Variants in SNX19 observed in about 807,000 individuals in gnomAD.
SNX19 encodes the protein sorting nexin-19.
SNX19 carries 60 observed loss-of-function variants against 85.2 expected under a neutral mutation model. That is an observed-to-expected ratio of 0.70 (90% CI 0.57 to 0.87). The LOEUF is 0.87. SNX19 is among the 40% of genes least tolerant of loss of function. SNX19 has a pLI of 0.00. For synonymous variants in SNX19, 520 were observed against 470.0 expected (o/e 1.11, Z -1.38); for missense variants, 1,201 against 1,217.8 (o/e 0.99, Z 0.21).
At chr11:130,904,852 C>A (rs556172827) in intron 7 of SNX19, among the ~76,000 whole-genome samples, 26 of 152,264 alleles carry the variant, frequency 1.7e-4, no homozygotes, top group African/African-American at 6.0e-4. Flanking sequence ...CCCTGCCCCC[C>A]ACCATCTTTA....
At chr11:130,896,557 T>C (rs747964260) in intron 8 of SNX19, among the ~76,000 whole-genome samples, 1 of 152,056 alleles carries the variant, frequency 6.6e-6, no homozygotes, top group Non-Finnish European at 1.5e-5. Context: ...AAAGCTTGCA[T>C]GGAGGGGAAG....
In SNX19 at chr11:130,866,348, G is replaced by A. The variant is rs1942762191; in HGVS notation, c.*12074C>T. ...TCATTCTTAAAAAGTACATAGTAAA[G>A]GTATGAAAAACATTTGTATTCAGAG... On this transcript the variant is annotated 3_prime_UTR_variant, in exon 11 of 11. Coordinates refer to ENST00000265909, the MANE Select transcript of SNX19 (RefSeq NM_014758.3). 2 of 152,186 alleles carry A rather than the reference G, an allele frequency of 1.3e-5. No homozygotes were observed. Among genetic ancestry groups the A allele is most frequent in the Non-Finnish European group, 2.9e-5 (2 of 68,036 alleles). The allele number at this position is 152,186 out of a possible 1,614,324, so 9.4% of individuals were successfully genotyped here. A position where few individuals can be genotyped will look rare whatever the true frequency, so the allele number is the denominator to read the frequency against.
chr11:130,887,915 C>T (rs544622083), intron 8 of SNX19, among the ~76,000 whole-genome samples: 14 of 152,242 alleles, frequency 9.2e-5, no homozygotes, highest in Non-Finnish European at 1.8e-4. Flanking sequence ...TGCCCAGAAC[C>T]AAACAGCTCT....
At position 130,911,707 on chromosome 11, in the gene SNX19, T is replaced by G. The variant is rs757940734; in HGVS notation, c.1739A>C (p.Asn580Thr). The G allele has an allele frequency of 5.0e-6, 8 of 1,614,198 alleles. No homozygotes were observed. Among genetic ancestry groups the G allele is most frequent in the Non-Finnish European group, 5.1e-6 (6 of 1,180,030 alleles). The change falls in exon 2 of 11, where the codon AAT becomes ACT. Residue 580 changes from asparagine (N) to threonine (T), a missense_variant. Physicochemically the swap from Asn to Thr is moderately conservative, Grantham distance 65. Around this residue, in one of 3 missense-constraint regions of SNX19, gnomAD observed 791 missense variants for 750.9 expected, o/e 1.05. Transcript: ENST00000265909. ...ATTCAAGAACTCCCGATAGCGACGA[T>G]TCACAGTGTGGTAGGCCAGCTGCTG... ...GLQQLAYHTV[N>T]RRYREFLNLQ...
chr11:130,909,623 G>A (rs750552667), intron 4 of SNX19, among the ~76,000 whole-genome samples: 18 of 152,126 alleles, frequency 1.2e-4, no homozygotes, highest in Admixed American at 3.9e-4. Flanking sequence ...GCCTCAGGTC[G>A]TCTTAGGCTC....
At position 130,869,538 on chromosome 11, in the gene SNX19, GT is replaced by G. The variant is rs577679942; in HGVS notation, c.*8883del. ...TTTTATATTTTCCAATGTCTGAACT[GT>G]TTTTACAACAGATTTTCCACAGAAA... On this transcript the variant is annotated 3_prime_UTR_variant, in exon 11 of 11. Coordinates refer to ENST00000265909, the MANE Select transcript of SNX19 (RefSeq NM_014758.3). 139 of 152,264 alleles carry G rather than the reference GT, an allele frequency of 9.1e-4. No homozygotes were observed. The highest frequency in any genetic ancestry group is 3.0e-3 in the African/African-American group (123 of 41,552). The allele number at this position is 152,264 out of a possible 1,614,324, so 9.4% of individuals were successfully genotyped here. A position where few individuals can be genotyped will look rare whatever the true frequency, so the allele number is the denominator to read the frequency against.
At position 130,914,984 on chromosome 11, in the gene SNX19, G is replaced by A; in HGVS notation, c.956C>T (p.Pro319Leu). 1.2e-6 allele frequency: 2 copies of A among 1,614,136 alleles called. No individual in the cohort carries two copies. The highest frequency in any genetic ancestry group is 1.7e-6 in the Non-Finnish European group (2 of 1,180,014). ...TGGAGAGGGGCCTGCAGAACCCTCT[G>A]GCTCACTGTAACTTAGGAATACTGG... ...AAPVFLSYSEPEGSAGPSPEV... is the reference protein window; with the variant it reads ...AAPVFLSYSELEGSAGPSPEV... The change falls in exon 1 of 11, where the codon CCA becomes CTA. Residue 319 changes from proline to leucine, a missense_variant. Pro to Leu is a moderately conservative substitution (Grantham distance 98). Around this residue, in one of 3 missense-constraint regions of SNX19, gnomAD observed 791 missense variants for 750.9 expected, o/e 1.05. Transcript: ENST00000265909.
intron 8 of SNX19, among the ~76,000 whole-genome samples, chr11:130,887,988 T>C (rs775661501): frequency 1.3e-4 from 20 of 152,062 alleles, no homozygotes; most frequent in African/African-American, 2.7e-4. Context: ...TTAGATACTA[T>C]ACTTCTCATA....
At chr11:130,894,804 C>T (rs780845307) in intron 8 of SNX19, 67 of 985,300 alleles carry the variant, frequency 6.8e-5, no homozygotes, top group Non-Finnish European at 7.7e-5. Flanking sequence ...ATTATTTAGC[C>T]TAAACCAGTC....
At position 130,880,793 on chromosome 11, in the gene SNX19, G is replaced by T. The variant is rs773358596; in HGVS notation, c.2587C>A (p.Gln863Lys). Residue 863 changes from glutamine (Q) to lysine (K), a missense_variant, in exon 9 of 11, where the codon CAG (glutamine) becomes AAG (lysine). Physicochemically the swap from Gln to Lys is moderately conservative, Grantham distance 53 (BLOSUM62 1). This residue lies in a region of SNX19 where 285 missense variants were observed against 295.3 expected (regional missense o/e 0.97). Transcript: ENST00000265909. ...GTLVQRWLEV[Q>K]VANLTSPQRW... ...TGTGGACTTGTTAAATTAGCTACCT[G>T]CACCTCTAGCCACCTGTGGTAGAAG... 1 of 1,560,880 alleles carries T rather than the reference G, an allele frequency of 6.4e-7. No homozygotes were observed. Among genetic ancestry groups the T allele is most frequent in the Non-Finnish European group, 8.8e-7 (1 of 1,141,814 alleles).
In SNX19 at chr11:130,895,109, G is replaced by A. The variant is rs555975189; in HGVS notation, c.2573+8146C>T. On this transcript the variant is annotated intron_variant, in intron 8 of 10. Coordinates refer to ENST00000265909, the MANE Select transcript of SNX19 (RefSeq NM_014758.3). ...AGATGCTTCCAGAGAGGGCAGGCTC[G>A]GTGGGGCTTCATACTGGGAGGCCCA... 33 of 985,414 alleles carry A rather than the reference G, an allele frequency of 3.3e-5. No homozygotes were observed. The South Asian group carries it at 7.5e-4, about 22-fold the overall frequency. The allele number at this position is 985,414 out of a possible 1,614,324, so 61.0% of individuals were successfully genotyped here.
rs1455801686 is a variant in SNX19, at chr11:130,875,711, G to A, written c.*2711C>T. 1 of 146,824 alleles carries A rather than the reference G, an allele frequency of 6.8e-6. No individual in the cohort carries two copies. The highest frequency in any genetic ancestry group is 1.5e-5 in the Non-Finnish European group (1 of 66,536). 9.1% of individuals were successfully genotyped at this position (146,824 alleles called of 1,614,324 possible). A position where few individuals can be genotyped will look rare whatever the true frequency, so the allele number is the denominator to read the frequency against. ...GCCTGTTGTGAGGTCGGGGGAGGGG[G>A]AAGGGATAGCATCAGGAGATATACC... On this transcript the variant is annotated 3_prime_UTR_variant, in exon 11 of 11. Transcript: ENST00000265909.
At chr11:130,909,643 G>A (rs1409481042) in intron 4 of SNX19, among the ~76,000 whole-genome samples, 1 of 152,052 alleles carries the variant, frequency 6.6e-6, no homozygotes, top group East Asian at 1.9e-4. Flanking sequence ...CTCTTTCCTG[G>A]GTGACCCAAC....
chr11:130,905,765 T>A, intron 7 of SNX19, 188 bp downstream of exon 7: 1 of 1,537,454 alleles, frequency 6.5e-7, no homozygotes, highest in Non-Finnish European at 8.7e-7. Flanking sequence ...GCTGCTTGAT[T>A]CCGCTGTGGC....
chr11:130,898,722 C>A (rs1425408690), intron 8 of SNX19, among the ~76,000 whole-genome samples: 2 of 152,154 alleles, frequency 1.3e-5, no homozygotes, highest in East Asian at 3.9e-4. Context: ...ATGCATACAC[C>A]ACTTTTTAAA....
Position 130,915,305 on chromosome 11 carries a change from G to A in SNX19, c.635C>T (p.Thr212Met), listed in dbSNP as rs773921084. The A allele has an allele frequency of 6.2e-6, 10 of 1,614,072 alleles. No homozygotes were observed. In the African/African-American group the frequency reaches 6.7e-5, roughly 11 times the overall value. Residue 212 changes from threonine (T) to methionine (M), a missense_variant, in exon 1 of 11, where the codon ACG becomes ATG. This residue lies in a region of SNX19 where 791 missense variants were observed against 750.9 expected (regional missense o/e 1.05). Coordinates refer to ENST00000265909, the MANE Select transcript of SNX19 (RefSeq NM_014758.3). Reference protein sequence around the residue: ...VHSPSAEVTYTRGVVNLLLQG... With the variant: ...VHSPSAEVTYMRGVVNLLLQG... ...AAGCAACAAATTCACAACGCCACGC[G>A]TATAGGTGACTTCAGCACTGGGGCT...
chr11:130,882,743 G>C (rs1943769563), intron 8 of SNX19, among the ~76,000 whole-genome samples: 1 of 152,196 alleles, frequency 6.6e-6, no homozygotes. Flanking sequence ...GCAATGACCT[G>C]ATCGGCTTCT....
In SNX19 at chr11:130,914,513, C is replaced by A. The variant is rs533377565; in HGVS notation, c.1427G>T (p.Cys476Phe). ...TALLEGPEKT[C>F]PSRPSCLEKD... ...CTCTAAGCATGACGGCCGTGAGGGG[C>A]AGGTCTTTTCTGGCCCCTCCAGCAA... The change falls in exon 1 of 11, where the codon TGC becomes TTC. Residue 476 changes from cysteine to phenylalanine, a missense_variant. Coordinates refer to ENST00000265909, the MANE Select transcript of SNX19 (RefSeq NM_014758.3). 1.9e-5 allele frequency: 31 copies of A among 1,613,964 alleles called. No homozygotes were observed. Among genetic ancestry groups the A allele is most frequent in the Non-Finnish European group, 2.5e-5 (29 of 1,179,872 alleles).
Position 130,916,141 on chromosome 11 carries a change from A to AT in SNX19, c.-203_-202insA. 1.7e-6 allele frequency: 1 copy of AT among 590,338 alleles called. No homozygotes were observed. Among genetic ancestry groups the AT allele is most frequent in the Non-Finnish European group, 3.0e-6 (1 of 332,774 alleles). The allele number at this position is 590,338 out of a possible 1,614,324, so 36.6% of individuals were successfully genotyped here. A position where few individuals can be genotyped will look rare whatever the true frequency, so the allele number is the denominator to read the frequency against. On this transcript the variant is annotated 5_prime_UTR_variant, in exon 1 of 11. It adds an upstream start codon to the 5' untranslated region. Coordinates refer to ENST00000265909, the MANE Select transcript of SNX19 (RefSeq NM_014758.3). ...GCGTCTCCCCATGGCTACCACTAACAGAGCCCTCCAACTCGCCCCTTCCAG... is the reference window on the plus strand; with the variant it reads ...GCGTCTCCCCATGGCTACCACTAACATGAGCCCTCCAACTCGCCCCTTCCAG...
Sources: gnomAD v4.1 joint callset for allele counts (sites outside exome capture counted in the v4.1 genomes callset) on GRCh38, gnomAD v4.1.1 for gene constraint, gnomAD v4.1.1 regional missense constraint, MANE v1.5 for transcripts, NCBI Gene and HGNC (gene_info 2026-07-23, HGNC 2026-07-21) for gene names.